The following COL23A1 variants were observed in gnomAD, a reference collection of about 807,000 sequenced individuals.
COL23A1 encodes the protein collagen type XXIII alpha 1 chain.
In COL23A1, 97 loss-of-function variants were observed where a neutral mutation model predicts 99.3. The observed-to-expected ratio is 0.98, with a 90% CI of 0.83 to 1.16. The LOEUF is 1.16. Among genes scored for constraint, COL23A1 ranks in the 50% most tolerant of loss-of-function variants. The pLI, the probability that COL23A1 is intolerant of heterozygous loss-of-function variation, is 0.00. For missense variants in COL23A1, 762 were observed against 757.4 expected (o/e 1.01, Z -0.07); for synonymous variants, 320 against 308.2 (o/e 1.04, Z -0.40).
At chr5:178,582,466 A>G (rs186054396) in intron 1 of COL23A1, among the ~76,000 whole-genome samples, 2 of 152,262 alleles carry the variant, frequency 1.3e-5, no homozygotes, top group African/African-American at 4.8e-5. Flanking sequence ...GAAGGGAGCA[A>G]CGTAGAAATC....
intron 3 of COL23A1, among the ~76,000 whole-genome samples, chr5:178,302,078 C>G (rs545071082): frequency 1.9e-4 from 27 of 144,384 alleles, no homozygotes; most frequent in Non-Finnish European, 3.3e-4. Context: ...GTGTGCCGCT[C>G]TGTGTGTGCC....
rs372354386 is a variant in COL23A1 at position 178,256,883 on chromosome 5, C to T, written c.820G>A (p.Gly274Ser). Reference protein sequence around the residue: ...MGPRGENGVDGAPGPKGEPGH... With the variant: ...MGPRGENGVDSAPGPKGEPGH... ...CATGTCACCTTCGGTCCTGGGGCAC[C>T]GTCCACACCGTTCTCTCCCCGAGGC... is the stretch of plus-strand genomic sequence containing the variant. Residue 274 changes from glycine (G) to serine (S), a missense_variant, in exon 14 of 29, where the codon GGT (glycine) becomes AGT (serine). Transcript: ENST00000390654. 11 of 1,613,216 alleles carry T rather than the reference C, an allele frequency of 6.8e-6. No individual in the cohort carries two copies. The highest frequency in any genetic ancestry group is 3.3e-5 in the South Asian group (3 of 90,958).
At chr5:178,585,211 A>T (rs745953169) in intron 1 of COL23A1, among the ~76,000 whole-genome samples, 1 of 152,168 alleles carries the variant, frequency 6.6e-6, no homozygotes, top group Non-Finnish European at 1.5e-5. Flanking sequence ...TAGGCGGGCC[A>T]GTGGATGACT....
intron 2 of COL23A1, among the ~76,000 whole-genome samples, chr5:178,480,564 C>T (rs768507103): frequency 6.6e-6 from 1 of 152,190 alleles, no homozygotes; most frequent in South Asian, 2.1e-4. Context: ...TTGAAAATGA[C>T]CCCAGATATT....
chr5:178,254,455 G>C (rs1006060739), intron 16 of COL23A1, among the ~76,000 whole-genome samples: 2 of 152,168 alleles, frequency 1.3e-5, no homozygotes, highest in Admixed American at 6.5e-5. Context: ...TTTCCTTCTG[G>C]GGTACCCATG....
intron 2 of COL23A1, among the ~76,000 whole-genome samples, chr5:178,507,764 T>G (rs189500711): frequency 1.1e-4 from 17 of 152,372 alleles, no homozygotes; most frequent in Admixed American, 5.9e-4. Flanking sequence ...TGTTTCTTTG[T>G]CATCAGATTT....
chr5:178,255,267 A>G lies in COL23A1; in HGVS notation c.883-241T>C, dbSNP rs765666922. Among the ~76,000 whole-genome samples, 1 of 151,706 alleles carries G rather than the reference A, an allele frequency of 6.6e-6. No individual in the cohort carries two copies. Among genetic ancestry groups the G allele is most frequent in the Non-Finnish European group, 1.5e-5 (1 of 67,936 alleles). ...TGTAATTGCCCTCACGTGGGCATTC[A>G]GGCCTGACCCCTGAGTTCTCGGGGG... On this transcript the variant is annotated intron_variant, in intron 15 of 28. Transcript: ENST00000390654. The surrounding 1 kb of genome is among the most constrained non-coding windows in gnomAD (Gnocchi z 4.2).
At chr5:178,483,555 TA>T (rs1757452982) in intron 2 of COL23A1, among the ~76,000 whole-genome samples, 1 of 152,256 alleles carries the variant, frequency 6.6e-6, no homozygotes. Flanking sequence ...TTCCAGTCTT[TA>T]AAAATTATTA....
chr5:178,582,980 C>T (rs1226196386), intron 1 of COL23A1, among the ~76,000 whole-genome samples: 2 of 152,352 alleles, frequency 1.3e-5, no homozygotes, highest in South Asian at 4.1e-4. Flanking sequence ...TCTTCCCAGG[C>T]AGGCTGCAAA....
At chr5:178,249,716 A>ACACTCTCTCTCTCTCT in intron 18 of COL23A1, among the ~76,000 whole-genome samples, 67 of 92,790 alleles carry the variant, frequency 7.2e-4, no homozygotes, top group South Asian at 2.5e-3. Context: ...ACACACACAC[A>ACACTCTCTCTCTCTCT]CTCTCTCTCT....
intron 2 of COL23A1, among the ~76,000 whole-genome samples, chr5:178,472,994 G>A (rs1756837702): frequency 7.1e-6 from 1 of 140,914 alleles, no homozygotes; most frequent in African/African-American, 2.6e-5. Context: ...GTGGTCACAC[G>A]CACCTGTGAT....
chr5:178,242,193 T>C, intron 26 of COL23A1, 65 bp from the exon 27 acceptor site: 1 of 1,493,328 alleles, frequency 6.7e-7, no homozygotes, highest in South Asian at 1.2e-5. Context: ...CCAACATCTC[T>C]CCGAGAGAAG....
Position 178,383,396 on chromosome 5 carries a change from T to G in COL23A1, c.362-76477A>C, listed in dbSNP as rs918598949. ...GGTCAGGAAACCAGGACAAGTCCCC[T>G]TAAGGGGTCAAGGGTGGCTCCCTTG... On this transcript the variant is annotated intron_variant, in intron 2 of 28. Transcript: ENST00000390654. Among the ~76,000 whole-genome samples, 12 of 152,354 alleles carry G rather than the reference T, an allele frequency of 7.9e-5. No individual in the cohort carries two copies. The South Asian group carries it at 1.4e-3, about 18-fold the overall frequency.
At chr5:178,484,640 G>A (rs1581479379) in intron 2 of COL23A1, among the ~76,000 whole-genome samples, 1 of 151,928 alleles carries the variant, frequency 6.6e-6, no homozygotes, top group South Asian at 2.1e-4. Context: ...TGGCTAACAC[G>A]GTGAAACCCC....
intron 2 of COL23A1, among the ~76,000 whole-genome samples, chr5:178,380,393 TTG>T (rs112420315): frequency 0.018 from 2,675 of 147,018 alleles, 77 homozygotes; most frequent in African/African-American, 0.058. Flanking sequence ...GAGCATGCAT[TTG>T]TGTGTGTGTG....
At position 178,252,597 on chromosome 5, in the gene COL23A1, C is replaced by G. The variant is rs1490655162; in HGVS notation, c.961G>C (p.Gly321Arg). The G allele has an allele frequency of 1.2e-6, 2 of 1,609,392 alleles. No individual in the cohort carries two copies. Among genetic ancestry groups the G allele is most frequent in the African/African-American group, 2.7e-5 (2 of 74,880 alleles). ...GGGGGCCCCTGTGGTCCGGGAGGCC[C>G]CTGTGTGTGAGAGTGAAGCCGGTCA... ...YDGRILDALK[G>R]PPGPQGPPGP... The change falls in exon 17 of 29, where the codon GGG becomes CGG. Residue 321 changes from glycine to arginine, a missense_variant and splice_region_variant. By Grantham distance (125) the Gly-to-Arg change is moderately radical. Coordinates refer to ENST00000390654, the MANE Select transcript of COL23A1 (RefSeq NM_173465.4).
intron 3 of COL23A1, among the ~76,000 whole-genome samples, chr5:178,301,330 A>C (rs1264304805): frequency 2.0e-5 from 3 of 152,154 alleles, no homozygotes; most frequent in Non-Finnish European, 4.4e-5. Context: ...GAGGGACATG[A>C]TTCTCATGCT....
intron 2 of COL23A1, among the ~76,000 whole-genome samples, chr5:178,363,906 G>C (rs1213139699): frequency 6.6e-5 from 10 of 152,192 alleles, no homozygotes; most frequent in Admixed American, 6.5e-4. Context: ...GTAGGTTCAC[G>C]TAATGGGATT....
In COL23A1 at chr5:178,358,040, GTGTA is replaced by G. The variant is rs1167884466; in HGVS notation, c.362-51125_362-51122del. On this transcript the variant is annotated intron_variant, in intron 2 of 28. Transcript: ENST00000390654. The stretch of plus-strand genomic sequence containing the variant: ...TATGTGTGTGTATGCGTATGTGTAT[GTGTA>G]TGTATGTCTAATGTATGTGTATTGT... 1.6e-4 allele frequency among the ~76,000 whole-genome samples: 23 copies of G among 139,952 alleles called. 1 individual carries two copies. The highest frequency in any genetic ancestry group is 2.4e-4 in the South Asian group (1 of 4,098). The allele number at this position is 139,952 out of a possible 152,430, so 91.8% of individuals were successfully genotyped here.
Sources: allele counts gnomAD v4.1 joint callset (sites outside exome capture counted in the v4.1 genomes callset), GRCh38; gene constraint gnomAD v4.1.1; non-coding constraint Gnocchi (gnomAD v3.1); transcripts MANE v1.5; gene names NCBI Gene and HGNC (gene_info 2026-07-23, HGNC 2026-07-21).